C21orf58: variants seen among roughly 807,000 people sequenced by gnomAD.
C21orf58 encodes the protein uncharacterized protein C21orf58.
C21orf58 carries 34 observed loss-of-function variants against 35.8 expected under a neutral mutation model. That is an observed-to-expected ratio of 0.95 (90% CI 0.72 to 1.26). C21orf58 has a LOEUF of 1.26. C21orf58 is among the 50% of genes most tolerant of loss of function. The pLI is 0.00. For synonymous variants in C21orf58, 191 were observed against 175.8 expected (o/e 1.09, Z -0.68); for missense variants, 440 against 414.3 (o/e 1.06, Z -0.54).
intron 5 of C21orf58, chr21:46,313,161 C>A: frequency 1.8e-6 from 1 of 568,684 alleles, no homozygotes; most frequent in Non-Finnish European, 2.2e-6. Flanking sequence ...AGCATGAAAG[C>A]AGCTACGGAC....
chr21:46,314,927 A>G, intron 4 of C21orf58, 47 bp from the exon 5 acceptor site: 1 of 1,550,316 alleles, frequency 6.5e-7, no homozygotes, highest in Non-Finnish European at 8.7e-7. Flanking sequence ...GGGGAGCCCC[A>G]ACGCCACAGA....
intron 7 of C21orf58, 65 bp downstream of exon 7, chr21:46,302,420 T>A (rs2082147339): frequency 7.6e-7 from 1 of 1,320,250 alleles, no homozygotes; most frequent in Admixed American, 2.0e-5. Context: ...TGCAGAAATT[T>A]CCAGAAGAAA....
At chr21:46,300,754 G>T, downstream of C21orf58, 1 of 1,289,370 alleles carries the variant, frequency 7.8e-7, no homozygotes, top group Non-Finnish European at 1.0e-6. Flanking sequence ...CTGGGACAGG[G>T]TTCCTCCTTG....
At chr21:46,317,176 G>A (rs911156289) in intron 3 of C21orf58, 32 bp downstream of exon 3, 1 of 1,600,800 alleles carries the variant, frequency 6.2e-7, no homozygotes, top group Non-Finnish European at 8.5e-7. Context: ...GCGTCTGTCT[G>A]TGCTGGTTCC....
Position 46,312,507 on chromosome 21 carries a change from C to T in C21orf58, c.610-940G>A, listed in dbSNP as rs765435826. Among the ~76,000 whole-genome samples, 16 of 152,020 alleles carry T rather than the reference C, an allele frequency of 1.1e-4. 1 individual carries two copies. Among genetic ancestry groups the T allele is most frequent in the Non-Finnish European group, 1.8e-4 (12 of 68,008 alleles). On this transcript the variant is annotated intron_variant, in intron 5 of 7. Transcript: ENST00000291691. Reference sequence around the variant, plus strand: ...CTAATTTTTGTGTTTTTAGTATAGACGGGGTTTCACCACGTTGGCCAGGCT... The same window carrying T: ...CTAATTTTTGTGTTTTTAGTATAGATGGGGTTTCACCACGTTGGCCAGGCT...
In C21orf58 at chr21:46,314,640, C is replaced by T. The variant is rs1274920468; in HGVS notation, c.609+76G>A. The T allele has an allele frequency of 5.1e-6, 6 of 1,182,006 alleles. No individual in the cohort carries two copies. In the East Asian group the frequency reaches 1.3e-4, roughly 26 times the overall value. 73.2% of individuals were successfully genotyped at this position (1,182,006 alleles called of 1,614,324 possible). On this transcript the variant is annotated intron_variant, in intron 5 of 7. Transcript: ENST00000291691. ...GGCAACCTCGCTGCAGGCACAGCGC[C>T]TCCTGCCTTCTGTAAAATCTTAATT...
chr21:46,318,266 T>G, intron 1 of C21orf58, 46 bp from the exon 2 acceptor site: 1 of 1,605,440 alleles, frequency 6.2e-7, no homozygotes, highest in Admixed American at 1.7e-5. Context: ...ACACCCTCCC[T>G]GGACTGCAGT....
At position 46,301,612 on chromosome 21, in the gene C21orf58, GATGAAATCTTT is replaced by G; in HGVS notation, c.*376_*386del. 9.8e-7 allele frequency: 1 copy of G among 1,023,664 alleles called. No homozygotes were observed. The highest frequency in any genetic ancestry group is 1.2e-6 in the Non-Finnish European group (1 of 855,756). The allele number at this position is 1,023,664 out of a possible 1,614,324, so 63.4% of individuals were successfully genotyped here. ...CTGAGATTTTCTTAAACTCTTTCTG[GATGAAATCTTT>G]ATTTCATCAGGCTGGTGGCGTCCAC... On this transcript the variant is annotated 3_prime_UTR_variant, in exon 8 of 8. Coordinates refer to ENST00000291691, the MANE Select transcript of C21orf58 (RefSeq NM_058180.5).
At chr21:46,310,821 A>C (rs949619880) in intron 6 of C21orf58, among the ~76,000 whole-genome samples, 3 of 151,026 alleles carry the variant, frequency 2.0e-5, no homozygotes, top group Non-Finnish European at 4.4e-5. Flanking sequence ...CTCTCTCTCT[A>C]AATAAATAAA....
intron 6 of C21orf58, among the ~76,000 whole-genome samples, chr21:46,307,414 A>C (rs1411891407): frequency 6.6e-6 from 1 of 151,350 alleles, no homozygotes; most frequent in Non-Finnish European, 1.5e-5. Context: ...TGCTTTTTAG[A>C]ACCTATGGCA....
rs952188896 is a variant in C21orf58, at chr21:46,318,288, C to T, written c.101-68G>A. ...CCCTGGACTGCAGTGCCCCAGAAGC[C>T]AGCGCTGGGCGCCGCGTGACAGTTG... On this transcript the variant is annotated intron_variant, in intron 1 of 7. Transcript: ENST00000291691. 3.1e-6 allele frequency: 5 copies of T among 1,588,866 alleles called. No individual in the cohort carries two copies. The African/African-American group carries it at 6.7e-5, about 21-fold the overall frequency.
chr21:46,305,298 GTT>G (rs112537183), intron 6 of C21orf58, among the ~76,000 whole-genome samples: 1 of 124,538 alleles, frequency 8.0e-6, no homozygotes. Flanking sequence ...AAGTTACATG[GTT>G]TTTTTTTTTT....
At chr21:46,302,949 T>C (rs955583243) in intron 6 of C21orf58, among the ~76,000 whole-genome samples, 1 of 147,336 alleles carries the variant, frequency 6.8e-6, no homozygotes, top group Admixed American at 6.7e-5. Context: ...GGGCGCGCCC[T>C]GAGCCCGTCT....
intron 1 of C21orf58, among the ~76,000 whole-genome samples, chr21:46,321,181 T>A (rs957841543): frequency 4.6e-5 from 7 of 152,116 alleles, no homozygotes; most frequent in Non-Finnish European, 1.0e-4. Flanking sequence ...TATATATATT[T>A]TTTTTGAGAC....
At chr21:46,309,052 C>T (rs918718075) in intron 6 of C21orf58, among the ~76,000 whole-genome samples, 6 of 152,222 alleles carry the variant, frequency 3.9e-5, no homozygotes, top group Non-Finnish European at 8.8e-5. Context: ...GGCGCAGTGG[C>T]TCACGCCTGT....
chr21:46,303,741 A>ATTTTT (rs2082269193), intron 6 of C21orf58, among the ~76,000 whole-genome samples: 1 of 24,270 alleles, frequency 4.1e-5, no homozygotes, highest in African/African-American at 1.6e-4. Context: ...ATATATATAT[A>ATTTTT]TATATTTTTT....
chr21:46,321,294 G>C (rs757356194), intron 1 of C21orf58, among the ~76,000 whole-genome samples: 1 of 152,048 alleles, frequency 6.6e-6, no homozygotes. Flanking sequence ...TCAGCCTCTC[G>C]AGTAGCTGGG....
At position 46,301,917 on chromosome 21, in the gene C21orf58, T is replaced by G; in HGVS notation, c.*82A>C. 7.2e-7 allele frequency: 1 copy of G among 1,388,624 alleles called. No homozygotes were observed. Among genetic ancestry groups the G allele is most frequent in the Non-Finnish European group, 9.3e-7 (1 of 1,074,438 alleles). 86.0% of individuals were successfully genotyped at this position (1,388,624 alleles called of 1,614,324 possible). On this transcript the variant is annotated 3_prime_UTR_variant, in exon 8 of 8. Coordinates refer to ENST00000291691, the MANE Select transcript of C21orf58 (RefSeq NM_058180.5). ...GGTGGCAGGGTCTCTCCCTGCTCCCTTCCATAGTCCCGCCACAGCCCACAG... is the reference window on the plus strand; with the variant it reads ...GGTGGCAGGGTCTCTCCCTGCTCCCGTCCATAGTCCCGCCACAGCCCACAG...
chr21:46,301,190 A>G lies in C21orf58; in HGVS notation c.*809T>C. On this transcript the variant is annotated 3_prime_UTR_variant, in exon 8 of 8. Coordinates refer to ENST00000291691, the MANE Select transcript of C21orf58 (RefSeq NM_058180.5). ...AGGGGCCTGCTCTGTGGTCCAGGCT[A>G]TAGTGCAGTGGTTCCATCAGAGCTC... The G allele has an allele frequency of 1.7e-6, 1 of 605,300 alleles. No individual in the cohort carries two copies. The highest frequency in any genetic ancestry group is 2.1e-6 in the Non-Finnish European group (1 of 481,798). The allele number at this position is 605,300 out of a possible 1,614,324, so 37.5% of individuals were successfully genotyped here. A position where few individuals can be genotyped will look rare whatever the true frequency, so the allele number is the denominator to read the frequency against.
Sources: allele counts gnomAD v4.1 joint callset (sites outside exome capture counted in the v4.1 genomes callset), GRCh38; gene constraint gnomAD v4.1.1; transcripts MANE v1.5; gene names NCBI Gene and HGNC (gene_info 2026-07-23, HGNC 2026-07-21).